CBR4: variants seen among roughly 807,000 people sequenced by gnomAD.
CBR4 encodes the protein carbonyl reductase 4.
A neutral mutation model predicts 21.0 loss-of-function variants in CBR4; 22 were observed. The ratio of observed to expected loss-of-function variants is 1.05; its 90% CI spans 0.75 to 1.50. CBR4 has a LOEUF of 1.50. Ranked by LOEUF, CBR4 falls within the 40% of genes most tolerant of loss-of-function variation. CBR4 has a pLI of 0.00. For synonymous variants in CBR4, 100 were observed against 104.4 expected, an observed-to-expected ratio of 0.96 and a Z score of 0.26; for missense variants, 302 against 286.3, an observed-to-expected ratio of 1.05 and a Z score of -0.40.
intron 2 of CBR4, among the ~76,000 whole-genome samples, chr4:168,936,520 G>A (rs562568333): frequency 6.6e-6 from 1 of 152,238 alleles, no homozygotes; most frequent in East Asian, 1.9e-4. Context: ...CCAATGCAAG[G>A]AAGCTAAGAA....
intron 2 of CBR4, among the ~76,000 whole-genome samples, chr4:168,974,082 G>A (rs1764296312): frequency 1.3e-5 from 2 of 152,022 alleles, no homozygotes; most frequent in Non-Finnish European, 2.9e-5. Context: ...TCAAGATTTA[G>A]GACTCCTTTC....
intron 2 of CBR4, among the ~76,000 whole-genome samples, chr4:168,963,198 T>G (rs1763914542): frequency 6.6e-6 from 1 of 152,208 alleles, no homozygotes; most frequent in Non-Finnish European, 1.5e-5. Flanking sequence ...TGTGGTTGAT[T>G]TCAGCACAAC....
Position 169,002,592 on chromosome 4 carries a change from A to G in CBR4, c.401-387T>C, listed in dbSNP as rs145326233. On this transcript the variant is annotated intron_variant, in intron 3 of 4. Transcript: ENST00000306193. ...GAAAAAGTCAGACAAAAGCTGACTAATTTTATGATTCTACAACACAGACAT... is the reference window on the plus strand; with the variant it reads ...GAAAAAGTCAGACAAAAGCTGACTAGTTTTATGATTCTACAACACAGACAT... Among the ~76,000 whole-genome samples the G allele has an allele frequency of 6.6e-4, 101 of 152,356 alleles. 1 individual carries two copies. In the East Asian group the frequency reaches 8.3e-3, roughly 12 times the overall value.
Position 168,989,059 on chromosome 4 carries a change from C to A in CBR4, c.*1091G>T, listed in dbSNP as rs1167056229. 1.0e-6 allele frequency: 1 copy of A among 984,908 alleles called. No individual in the cohort carries two copies. The allele number at this position is 984,908 out of a possible 1,614,324, so 61.0% of individuals were successfully genotyped here. On this transcript the variant is annotated 3_prime_UTR_variant, in exon 5 of 5. Transcript: ENST00000306193. ...ATCTCTACTCCCAGGCAAATATTCT[C>A]ACTTAAGACCAGTGCCTTCACTGCT...
intron 2 of CBR4, among the ~76,000 whole-genome samples, chr4:168,969,650 G>T (rs1209426703): frequency 1.3e-5 from 2 of 152,108 alleles, no homozygotes. Context: ...AAGGAATGCA[G>T]GCAGCCTCTA....
rs756832767 is a variant in CBR4, at chr4:168,987,663, T to G, written c.*2487A>C. On this transcript the variant is annotated 3_prime_UTR_variant, in exon 5 of 5. Coordinates refer to ENST00000306193, the MANE Select transcript of CBR4 (RefSeq NM_032783.5). ...AGGACAGTGGTTATGATTTCTCAAT[T>G]TACACATATTCCTTTTGAAAATCTT... 22 of 973,882 alleles carry G rather than the reference T, an allele frequency of 2.3e-5. No individual in the cohort carries two copies. Among genetic ancestry groups the G allele is most frequent in the Non-Finnish European group, 2.7e-5 (22 of 819,496 alleles). 60.3% of individuals were successfully genotyped at this position (973,882 alleles called of 1,614,324 possible).
At chr4:168,966,590 C>G (rs1306577708) in intron 2 of CBR4, among the ~76,000 whole-genome samples, 1 of 151,984 alleles carries the variant, frequency 6.6e-6, no homozygotes, top group Non-Finnish European at 1.5e-5. Flanking sequence ...AAAATAAGAA[C>G]TCTTTTACAC....
intron 2 of CBR4, among the ~76,000 whole-genome samples, chr4:168,920,015 G>A (rs993998176): frequency 2.6e-5 from 4 of 152,146 alleles, no homozygotes; most frequent in African/African-American, 9.7e-5. Context: ...AACATACTGT[G>A]GCTTCAGTCA....
chr4:168,915,295 T>C (rs1168424904), intron 2 of CBR4, among the ~76,000 whole-genome samples: 2 of 152,216 alleles, frequency 1.3e-5, no homozygotes, highest in African/African-American at 2.4e-5. Context: ...TGTATTCCTC[T>C]TAAAGGTTTC....
intron 2 of CBR4, among the ~76,000 whole-genome samples, chr4:168,965,235 C>G (rs1763983520): frequency 2.0e-5 from 3 of 152,050 alleles, no homozygotes; most frequent in African/African-American, 7.2e-5. Flanking sequence ...AACTACAAAC[C>G]ACTGCTCAAC....
chr4:169,003,091 A>T (rs1730597635), intron 3 of CBR4, among the ~76,000 whole-genome samples: 1 of 152,202 alleles, frequency 6.6e-6, no homozygotes. Context: ...CAGCTCATGG[A>T]TCAAGGGATA....
chr4:168,926,620 T>C (rs1159517444), intron 2 of CBR4: 1 of 428,010 alleles, frequency 2.3e-6, no homozygotes. Context: ...TTTAAAACTT[T>C]GGAATTGCTG....
chr4:168,997,923 C>G (rs1260751408), intron 4 of CBR4, among the ~76,000 whole-genome samples: 1 of 152,104 alleles, frequency 6.6e-6, no homozygotes, highest in Non-Finnish European at 1.5e-5. Context: ...TACCAAAAAG[C>G]TAAACCAAGA....
intron 4 of CBR4, among the ~76,000 whole-genome samples, chr4:168,996,955 A>T (rs1765235161): frequency 6.6e-6 from 1 of 152,150 alleles, no homozygotes; most frequent in Non-Finnish European, 1.5e-5. Flanking sequence ...GAAGAGAGAG[A>T]TTAATAGTCC....
chr4:168,897,450 C>T (rs1443116117), intron 2 of CBR4, among the ~76,000 whole-genome samples: 1 of 151,938 alleles, frequency 6.6e-6, no homozygotes, highest in African/African-American at 2.4e-5. Flanking sequence ...GTCTTCATTG[C>T]ACTTTTTTGT....
intron 2 of CBR4, among the ~76,000 whole-genome samples, chr4:168,896,306 T>C (rs912097896): frequency 6.6e-5 from 10 of 152,154 alleles, no homozygotes; most frequent in Admixed American, 2.6e-4. Flanking sequence ...TTACATTAGC[T>C]TACAGTTGGG....
rs752801252 is a variant in CBR4, at chr4:168,903,800, A to G, written n.170-9035T>C. ...GGGAAGCAGATCTCTCCAAAGAGTGATCACTACACCATTCAAAGAGATCTC... is the reference window on the plus strand; with the variant it reads ...GGGAAGCAGATCTCTCCAAAGAGTGGTCACTACACCATTCAAAGAGATCTC... On this transcript the variant is annotated intron_variant and non_coding_transcript_variant, in intron 2 of 3. Coordinates refer to the CBR4 transcript ENST00000509108. 6.2e-7 allele frequency: 1 copy of G among 1,611,932 alleles called. No individual in the cohort carries two copies. The highest frequency in any genetic ancestry group is 1.3e-5 in the African/African-American group (1 of 74,882).
At chr4:168,982,098 T>C (rs868255303) in intron 2 of CBR4, among the ~76,000 whole-genome samples, 1 of 152,190 alleles carries the variant, frequency 6.6e-6, no homozygotes, top group Non-Finnish European at 1.5e-5. Flanking sequence ...ACAGGTTAAA[T>C]GCACCTCTTA....
At chr4:168,973,417 T>A (rs1253939292) in intron 2 of CBR4, among the ~76,000 whole-genome samples, 2 of 152,184 alleles carry the variant, frequency 1.3e-5, no homozygotes, top group Admixed American at 1.3e-4. Context: ...AACCTCCACC[T>A]CCTGGATTCA....
Sources: gnomAD v4.1 joint callset for allele counts (sites outside exome capture counted in the v4.1 genomes callset) on GRCh38, gnomAD v4.1.1 for gene constraint, MANE v1.5 for transcripts, NCBI Gene and HGNC (gene_info 2026-07-23, HGNC 2026-07-21) for gene names.